Variants in GRB10 observed in about 807,000 individuals in gnomAD.
GRB10 encodes growth factor receptor-bound protein 10.
A neutral mutation model predicts 80.9 loss-of-function variants in GRB10; 20 were observed. That is an observed-to-expected ratio of 0.25 (90% confidence interval 0.17 to 0.36). The LOEUF (loss-of-function observed/expected upper bound fraction) is 0.36. Ranked by LOEUF, GRB10 falls within the 10% of genes least tolerant of loss-of-function variation. GRB10 has a pLI of 1.00. For synonymous variants in GRB10, 291 were observed against 291.5 expected, an observed-to-expected ratio of 1.00 and a Z score of 0.02; for missense variants, 548 against 747.7, an observed-to-expected ratio of 0.73 and a Z score of 3.12.
intron 4 of GRB10, among the ~76,000 whole-genome samples, chr7:50,723,585 G>C (rs2068096360): frequency 6.6e-6 from 1 of 152,204 alleles, no homozygotes; most frequent in Non-Finnish European, 1.5e-5. Flanking sequence ...CCAGCCCCTT[G>C]GATCCCAGGA....
chr7:50,733,708 TCA>T (rs1345622625), intron 3 of GRB10, among the ~76,000 whole-genome samples: 2 of 152,216 alleles, frequency 1.3e-5, no homozygotes, highest in East Asian at 1.9e-4. Context: ...CTTCTCCGGC[TCA>T]CAGTCAGCCT....
chr7:50,702,519 A>G (rs894750789), intron 5 of GRB10, among the ~76,000 whole-genome samples: 6 of 152,162 alleles, frequency 3.9e-5, no homozygotes, highest in Admixed American at 6.5e-5. Context: ...AATGATTGAG[A>G]GGTGGCCAAT....
intron 5 of GRB10, among the ~76,000 whole-genome samples, chr7:50,687,409 C>A (rs1266414863): frequency 6.6e-6 from 1 of 152,232 alleles, no homozygotes; most frequent in Admixed American, 6.5e-5. Context: ...AGCCTTCACA[C>A]CTCTGCCTTG....
intron 7 of GRB10, among the ~76,000 whole-genome samples, chr7:50,667,605 A>T (rs1586631866): frequency 6.6e-6 from 1 of 152,176 alleles, no homozygotes. Flanking sequence ...CACACTTTTC[A>T]TGAGATCAGA....
intron 14 of GRB10, among the ~76,000 whole-genome samples, 200 bp downstream of exon 14, chr7:50,606,137 G>A (rs1329568114): frequency 1.3e-5 from 2 of 152,156 alleles, no homozygotes; most frequent in African/African-American, 2.4e-5. Flanking sequence ...GGAGAAGAAC[G>A]GCAGAGGAAT....
intron 4 of GRB10, among the ~76,000 whole-genome samples, chr7:50,729,709 C>A (rs535126394): frequency 6.6e-6 from 1 of 152,226 alleles, no homozygotes; most frequent in East Asian, 1.9e-4. Flanking sequence ...AGCTATAGGA[C>A]CCTACTAACG....
chr7:50,713,924 A>C (rs1056830485), intron 4 of GRB10, among the ~76,000 whole-genome samples: 2 of 150,426 alleles, frequency 1.3e-5, no homozygotes, highest in African/African-American at 2.5e-5. Flanking sequence ...ACTTCCACCC[A>C]TTCCATCACC....
upstream of GRB10, among the ~76,000 whole-genome samples, chr7:50,785,335 T>C (rs553318310): frequency 6.6e-6 from 1 of 152,306 alleles, no homozygotes; most frequent in East Asian, 1.9e-4. Context: ...CCAAATTGCA[T>C]GGGACAAACA....
At chr7:50,593,168 C>G (rs74342530) in intron 18 of GRB10, 70 bp from the exon 19 acceptor site, 24,476 of 1,555,624 alleles carry the variant, frequency 0.016, 222 homozygotes, top group Non-Finnish European at 0.018. Flanking sequence ...GGCCCACGGC[C>G]AGCAGCAGCT....
intron 2 of GRB10, among the ~76,000 whole-genome samples, chr7:50,765,461 A>T (rs1310766246): frequency 6.6e-6 from 1 of 152,270 alleles, no homozygotes; most frequent in Non-Finnish European, 1.5e-5. Context: ...GTACATACAC[A>T]CAGTGGAGTG....
chr7:50,679,379 G>A (rs576007614), intron 5 of GRB10, among the ~76,000 whole-genome samples: 17 of 152,280 alleles, frequency 1.1e-4, no homozygotes, highest in Admixed American at 7.8e-4. Context: ...GAGAAACTCC[G>A]GGGACAGAGG....
At chr7:50,632,934 C>T (rs1586030412) in intron 7 of GRB10, among the ~76,000 whole-genome samples, 1 of 152,152 alleles carries the variant, frequency 6.6e-6, no homozygotes, top group African/African-American at 2.4e-5. Flanking sequence ...CAGACCCAGC[C>T]ATACCCAGCT....
At chr7:50,732,399 G>GA in intron 3 of GRB10, 31 bp from the exon 4 acceptor site, 1 of 1,260,640 alleles carries the variant, frequency 7.9e-7, no homozygotes, top group Admixed American at 2.1e-5. Context: ...GAGAAGCCAA[G>GA]CCAGAAAAAA....
chr7:50,746,852 C>T (rs964445173), intron 3 of GRB10, among the ~76,000 whole-genome samples: 14 of 152,116 alleles, frequency 9.2e-5, no homozygotes, highest in African/African-American at 3.1e-4. Flanking sequence ...TCTGTGCTCT[C>T]GCCTCAATTC....
At chr7:50,595,341 A>G in intron 18 of GRB10, 96 bp downstream of exon 18, 1 of 780,730 alleles carries the variant, frequency 1.3e-6, no homozygotes, top group Non-Finnish European at 2.3e-6. Context: ...ACTGTCTGAT[A>G]CTTACCGGTC....
intron 3 of GRB10, among the ~76,000 whole-genome samples, chr7:50,732,707 C>G (rs1196456187): frequency 6.6e-6 from 1 of 152,132 alleles, no homozygotes; most frequent in Non-Finnish European, 1.5e-5. Flanking sequence ...CTATTAACAC[C>G]CTGCAAACTT....
chr7:50,597,173 C>T (rs866167813), intron 17 of GRB10, among the ~76,000 whole-genome samples: 1 of 152,222 alleles, frequency 6.6e-6, no homozygotes, highest in Non-Finnish European at 1.5e-5. Context: ...TGGTAACTGC[C>T]TAGCAGTTTT....
At chr7:50,681,003 T>C (rs1271380560) in intron 5 of GRB10, among the ~76,000 whole-genome samples, 3 of 152,204 alleles carry the variant, frequency 2.0e-5, no homozygotes, top group African/African-American at 7.2e-5. Flanking sequence ...ACACAAAATA[T>C]GGAGACTACT....
intron 7 of GRB10, among the ~76,000 whole-genome samples, chr7:50,628,434 C>T (rs1045794314): frequency 6.6e-6 from 1 of 152,118 alleles, no homozygotes; most frequent in Non-Finnish European, 1.5e-5. Context: ...CTGGGAGGCC[C>T]CCACCTTAAT....
Sources: allele counts gnomAD v4.1 joint callset (sites outside exome capture counted in the v4.1 genomes callset), GRCh38; gene constraint gnomAD v4.1.1; transcripts MANE v1.5; gene names NCBI Gene and HGNC (gene_info 2026-07-23, HGNC 2026-07-21).